The following RGS3 variants were observed in gnomAD, a reference collection of about 807,000 sequenced individuals.
The protein encoded by RGS3 is regulator of G-protein signalling 3.
A neutral mutation model predicts 132.6 loss-of-function variants in RGS3; 80 were observed. The ratio of observed to expected loss-of-function variants is 0.60; its 90% confidence interval spans 0.50 to 0.73. RGS3 has a LOEUF of 0.73. Ranked by LOEUF, RGS3 falls within the 30% of genes least tolerant of loss-of-function variation. The pLI is 0.00. For missense variants in RGS3, 1,382 were observed against 1,530.8 expected (o/e 0.90, Z 1.62); for synonymous variants, 598 against 620.6 (o/e 0.96, Z 0.54).
At chr9:113,526,227 C>T (rs1832200321) in intron 17 of RGS3, among the ~76,000 whole-genome samples, 1 of 152,184 alleles carries the variant, frequency 6.6e-6, no homozygotes, top group African/African-American at 2.4e-5. Context: ...CACCTTAGAG[C>T]CAGGTAGGCA....
intron 20 of RGS3, among the ~76,000 whole-genome samples, chr9:113,585,551 C>G (rs1835077472): frequency 6.6e-6 from 1 of 152,158 alleles, no homozygotes; most frequent in African/African-American, 2.4e-5. Context: ...GAGGACAGAC[C>G]CCAGGGCCTA....
At chr9:113,555,894 A>T (rs913722282) in intron 19 of RGS3, among the ~76,000 whole-genome samples, 1 of 152,240 alleles carries the variant, frequency 6.6e-6, no homozygotes, top group African/African-American at 2.4e-5. Context: ...TGTCTCTCAC[A>T]TACCACGTCA....
At chr9:113,482,989 GTCTC>G (rs1830212844) in intron 4 of RGS3, 66 bp from the exon 3 acceptor site, 2 of 1,610,744 alleles carry the variant, frequency 1.2e-6, no homozygotes, top group Non-Finnish European at 1.7e-6. Context: ...GTCTATGTGT[GTCTC>G]TCTTTCTCGC....
intron 14 of RGS3, among the ~76,000 whole-genome samples, chr9:113,511,401 TA>T (rs113868012): frequency 0.047 from 6,576 of 140,982 alleles, 155 homozygotes; most frequent in South Asian, 0.1. Flanking sequence ...TGTACTGTTC[TA>T]AAAAAAAAAA....
chr9:113,516,332 A>G (rs531542645), intron 15 of RGS3, among the ~76,000 whole-genome samples: 1 of 150,834 alleles, frequency 6.6e-6, no homozygotes, highest in South Asian at 2.1e-4. Flanking sequence ...AGTTCTTGGC[A>G]TCTACAATGT....
chr9:113,527,645 C>T (rs1028148882), intron 17 of RGS3, among the ~76,000 whole-genome samples: 3 of 152,126 alleles, frequency 2.0e-5, no homozygotes, highest in Non-Finnish European at 2.9e-5. Context: ...GCCTGGCAGC[C>T]CTTGGCCCTA....
intron 19 of RGS3, among the ~76,000 whole-genome samples, chr9:113,574,849 G>C (rs1834439969): frequency 6.6e-6 from 1 of 152,182 alleles, no homozygotes; most frequent in African/African-American, 2.4e-5. Flanking sequence ...AGCCCCAGGG[G>C]GCCTGGAGTT....
At chr9:113,539,137 G>A (rs1471404772) in intron 19 of RGS3, among the ~76,000 whole-genome samples, 1 of 152,204 alleles carries the variant, frequency 6.6e-6, no homozygotes, top group Non-Finnish European at 1.5e-5. Flanking sequence ...CTTTCCAGCT[G>A]GTCCACAGCA....
chr9:113,591,506 C>T lies in RGS3; in HGVS notation c.3080+109C>T, dbSNP rs1467508796. On this transcript the variant is annotated intron_variant, in intron 21 of 24. Coordinates refer to ENST00000350696, the Ensembl canonical transcript of RGS3. This position sits in a 1 kb window ranked among gnomAD's most constrained non-coding sequence, Gnocchi z 4.4. ...GAGAAGAGGTTGTGCCTGGTCCCGC[C>T]CACAACCCCAGACAGACACCAAGGA... is the stretch of plus-strand genomic sequence containing the variant. 6.3e-6 allele frequency: 6 copies of T among 947,656 alleles called. No individual in the cohort carries two copies. The highest frequency in any genetic ancestry group is 8.5e-6 in the Non-Finnish European group (5 of 587,428). 58.7% of individuals were successfully genotyped at this position (947,656 alleles called of 1,614,324 possible).
intron 19 of RGS3, chr9:113,580,734 T>G: frequency 1.1e-6 from 1 of 936,856 alleles, no homozygotes; most frequent in Non-Finnish European, 1.3e-6. Flanking sequence ...CCCTCCTGGC[T>G]TTGTTTGGTT....
At chr9:113,509,122 A>C (rs1831285757) in intron 14 of RGS3, among the ~76,000 whole-genome samples, 1 of 151,966 alleles carries the variant, frequency 6.6e-6, no homozygotes, top group Non-Finnish European at 1.5e-5. Flanking sequence ...CGTCTCTACT[A>C]AAAATACAAA....
At chr9:113,578,633 G>C (rs1016132933) in intron 19 of RGS3, among the ~76,000 whole-genome samples, 2 of 152,136 alleles carry the variant, frequency 1.3e-5, no homozygotes, top group African/African-American at 4.8e-5. Context: ...GGAGGAGCTG[G>C]GCTGACGCTG....
intron 6 of RGS3, 111 bp from the exon 5 acceptor site, chr9:113,485,514 C>T (rs377574555): frequency 8.8e-6 from 6 of 685,288 alleles, no homozygotes; most frequent in South Asian, 1.9e-5. Flanking sequence ...TTTATTTAAC[C>T]AGCTGTTGAC....
chr9:113,538,259 C>A (rs2118622877), intron 19 of RGS3, among the ~76,000 whole-genome samples: 1 of 152,320 alleles, frequency 6.6e-6, no homozygotes, highest in South Asian at 2.1e-4. Flanking sequence ...TGGTTTGTTG[C>A]AGCACTGGCT....
In RGS3 at chr9:113,522,926, C is replaced by T. The variant is rs1483967582; in HGVS notation, c.1759-4C>T. 1 of 1,597,294 alleles carries T rather than the reference C, an allele frequency of 6.3e-7. No homozygotes were observed. Among genetic ancestry groups the T allele is most frequent in the East Asian group, 2.2e-5 (1 of 44,810 alleles). ...CCAGTTCTGTTTGCTCTCTGTCAAC[C>T]CAGGTGACACTGTTTGCCTATTCGG... is the stretch of plus-strand genomic sequence containing the variant. On this transcript the variant is annotated splice_polypyrimidine_tract_variant and splice_region_variant and intron_variant, in intron 16 of 24. Coordinates refer to ENST00000350696, the Ensembl canonical transcript of RGS3.
At chr9:113,456,800 T>C (rs1829371300), upstream of RGS3, among the ~76,000 whole-genome samples, 1 of 151,930 alleles carries the variant, frequency 6.6e-6, no homozygotes, top group African/African-American at 2.4e-5. Context: ...CCCTATATGA[T>C]TTATTTATTT....
intron 17 of RGS3, among the ~76,000 whole-genome samples, chr9:113,527,722 AG>A (rs1832277360): frequency 1.3e-5 from 2 of 152,182 alleles, no homozygotes; most frequent in Non-Finnish European, 2.9e-5. Context: ...CACCCACACC[AG>A]GGCCCTCATT....
At chr9:113,549,381 C>T (rs1433352901) in intron 19 of RGS3, among the ~76,000 whole-genome samples, 1 of 152,226 alleles carries the variant, frequency 6.6e-6, no homozygotes, top group Non-Finnish European at 1.5e-5. Flanking sequence ...ATCTGACTTT[C>T]TATAACCCCC....
chr9:113,483,010 T>C lies in RGS3; in HGVS notation c.467-49T>C, dbSNP rs749378137. 4 of 1,613,610 alleles carry C rather than the reference T, an allele frequency of 2.5e-6. No individual in the cohort carries two copies. In the South Asian group the frequency reaches 3.3e-5, roughly 13 times the overall value. ...GTGTGTCTCTCTTTCTCGCTGTGTG[T>C]GTGTGTATGTTTCCATTCATCCACC... is the stretch of plus-strand genomic sequence containing the variant. On this transcript the variant is annotated intron_variant, in intron 4 of 24. Coordinates refer to ENST00000350696, the Ensembl canonical transcript of RGS3.
Sources: gnomAD v4.1 joint callset for allele counts (sites outside exome capture counted in the v4.1 genomes callset) on GRCh38, gnomAD v4.1.1 for gene constraint, Gnocchi (gnomAD v3.1) non-coding constraint, MANE v1.5 for transcripts, NCBI Gene and HGNC (gene_info 2026-07-23, HGNC 2026-07-21) for gene names.